The following NME9 variants were observed in gnomAD, a reference collection of about 807,000 sequenced individuals.
The protein encoded by NME9 is thioredoxin domain-containing protein 6.
In NME9, 48 loss-of-function variants were observed where a neutral mutation model predicts 44.4. The ratio of observed to expected loss-of-function variants is 1.08; its 90% CI spans 0.86 to 1.37. The LOEUF (loss-of-function observed/expected upper bound fraction) is 1.37, where lower values mean the gene tolerates loss of function less well. Ranked by LOEUF, NME9 falls within the 40% of genes most tolerant of loss-of-function variation. The pLI, the probability that NME9 is intolerant of heterozygous loss-of-function variation, is 0.00. For synonymous variants in NME9, 139 were observed against 147.1 expected, an observed-to-expected ratio of 0.94 and a Z score of 0.40; for missense variants, 325 against 405.2, an observed-to-expected ratio of 0.80 and a Z score of 1.70.
chr3:138,310,161 T>A (rs143540613), intron 6 of NME9, among the ~76,000 whole-genome samples: 6 of 151,450 alleles, frequency 4.0e-5, no homozygotes, highest in African/African-American at 1.5e-4. Flanking sequence ...CAAGAGAAAA[T>A]ATACTTAGAG....
chr3:138,262,949 A>G (rs1370569235), intron 8 of NME9, among the ~76,000 whole-genome samples: 2 of 152,230 alleles, frequency 1.3e-5, no homozygotes, highest in Non-Finnish European at 2.9e-5. Context: ...AATAATGCCT[A>G]CAGAAGAGTG....
intron 8 of NME9, among the ~76,000 whole-genome samples, chr3:138,275,354 G>A (rs936751588): frequency 6.6e-5 from 10 of 152,030 alleles, no homozygotes; most frequent in African/African-American, 2.4e-4. Flanking sequence ...TCAGGAGATC[G>A]AGACCATCCT....
intron 1 of NME9, among the ~76,000 whole-genome samples, chr3:138,326,863 C>T (rs554814538): frequency 6.6e-6 from 1 of 150,996 alleles, no homozygotes; most frequent in East Asian, 2.0e-4. Context: ...CTTTTTTGGC[C>T]GAACGTGGTT....
chr3:138,281,859 T>C (rs2049964621), intron 8 of NME9, among the ~76,000 whole-genome samples: 1 of 152,210 alleles, frequency 6.6e-6, no homozygotes. Flanking sequence ...TAAAAGTGTT[T>C]ACCATTTCTC....
chr3:138,288,431 CTG>C (rs549328164), intron 8 of NME9, among the ~76,000 whole-genome samples: 135 of 152,318 alleles, frequency 8.9e-4, no homozygotes, highest in African/African-American at 2.9e-3. Flanking sequence ...AAATTGCAAA[CTG>C]TACCCATAGC....
Position 138,281,170 on chromosome 3 carries a change from G to C in NME9, c.746-18584C>G, listed in dbSNP as rs191422131. ...CTCTGCTCTATTTCCTTGATTTCCA[G>C]TTGTTCATATTAGTATATACACTAA... On this transcript the variant is annotated intron_variant, in intron 8 of 8. Transcript: ENST00000317876. Among the ~76,000 whole-genome samples the C allele has an allele frequency of 2.9e-3, 444 of 152,122 alleles. 1 individual carries two copies. The highest frequency in any genetic ancestry group is 0.01 in the Middle Eastern group (3 of 294).
chr3:138,291,053 A>C (rs763932234), intron 8 of NME9, among the ~76,000 whole-genome samples: 6 of 152,232 alleles, frequency 3.9e-5, no homozygotes, highest in Non-Finnish European at 8.8e-5. Flanking sequence ...GCTACCACTA[A>C]GGAATCACTG....
intron 8 of NME9, among the ~76,000 whole-genome samples, chr3:138,265,263 C>A (rs565700972): frequency 9.8e-4 from 149 of 152,000 alleles, no homozygotes; most frequent in African/African-American, 3.4e-3. Context: ...TTTGTCCCCC[C>A]CAAAAAAGGT....
At position 138,304,910 on chromosome 3, in the gene NME9, G is replaced by A. The variant is rs80092642; in HGVS notation, c.754C>T (p.Arg252Cys). 50 of 1,613,994 alleles carry A rather than the reference G, an allele frequency of 3.1e-5. No homozygotes were observed. In the South Asian group the frequency reaches 4.1e-4, roughly 13 times the overall value. The change falls in exon 9 of 11, where the codon CGT becomes TGT. Residue 252 changes from arginine (R) to cysteine (C), a missense_variant. Transcript: ENST00000333911. ...TCCCTCCTGGCCACATTGGGGTCAC[G>A]GGGGCCCATGACGGTTCGCCAGGTA... The part of the protein sequence containing the change: ...VTTWRTVMGP[R>C]DPNVARREQP...
intron 8 of NME9, chr3:138,263,608 G>C (rs1456263633): frequency 1.2e-6 from 1 of 809,810 alleles, no homozygotes; most frequent in Non-Finnish European, 2.1e-6. Flanking sequence ...CAAGATGATT[G>C]TTTGAGAGGT....
At chr3:138,269,128 G>A (rs2108289965) in intron 8 of NME9, among the ~76,000 whole-genome samples, 1 of 152,240 alleles carries the variant, frequency 6.6e-6, no homozygotes, top group African/African-American at 2.4e-5. Context: ...GGCGGATCTG[G>A]GAAAAGAATA....
rs2052269712 is a variant in NME9, at chr3:138,306,473, T to C, written c.468A>G (p.Ser156=). Residue 156 remains serine, a synonymous_variant, in exon 7 of 11, where the codon TCA becomes TCG. Transcript: ENST00000333911. ...TGATGGCCAAGGTACAGGTCCTCTC[T>C]GATGAAACTAAGCCAAAAAATGGTG... The part of the protein sequence containing the change: ...NNGEDEDMVS[S]ERTCTLAIIK... 6.2e-7 allele frequency: 1 copy of C among 1,604,406 alleles called. No individual in the cohort carries two copies. Among genetic ancestry groups the C allele is most frequent in the Non-Finnish European group, 8.5e-7 (1 of 1,175,890 alleles).
At chr3:138,305,109 G>C (rs1006771016) in intron 8 of NME9, 82 bp from the exon 9 acceptor site, 22 of 1,293,592 alleles carry the variant, frequency 1.7e-5, no homozygotes, top group Non-Finnish European at 2.3e-5. Flanking sequence ...CTCACCCACG[G>C]AATGGGAGGG....
Position 138,319,490 on chromosome 3 carries a change from C to G in NME9, c.183G>C (p.Leu61=), listed in dbSNP as rs1309418891. 6.3e-7 allele frequency: 1 copy of G among 1,599,286 alleles called. No individual in the cohort carries two copies. Among genetic ancestry groups the G allele is most frequent in the Non-Finnish European group, 8.6e-7 (1 of 1,166,534 alleles). Residue 61 remains leucine (L), a synonymous_variant, in exon 3 of 11, where the codon CTG becomes CTC. Transcript: ENST00000333911. ...KMRIEVGLDL[L]HFALAEADRL... is the part of the protein sequence containing the mutation. ...GAGAGAATCTTACTAATGCAAAGTG[C>G]AGAAGGTCCAGGCCGACCTCGATCC... is the stretch of plus-strand genomic sequence containing the variant.
In NME9 at chr3:138,262,658, C is replaced by T; in HGVS notation, c.746-72G>A. 3.5e-6 allele frequency: 5 copies of T among 1,437,214 alleles called. No homozygotes were observed. In the South Asian group the frequency reaches 4.3e-5, roughly 12 times the overall value. The allele number at this position is 1,437,214 out of a possible 1,614,324, so 89.0% of individuals were successfully genotyped here. On this transcript the variant is annotated intron_variant, in intron 8 of 8. Coordinates refer to the NME9 transcript ENST00000317876. ...CCCTGGAGAATCTAATTTAATTGGT[C>T]TGCTGTATGGCCTGGACATAGGATT...
Position 138,329,239 on chromosome 3 carries a change from C to A in NME9, c.33+64G>T, listed in dbSNP as rs1411748654. 3.6e-6 allele frequency: 5 copies of A among 1,403,788 alleles called. No homozygotes were observed. The African/African-American group carries it at 5.7e-5, about 16-fold the overall frequency. 87.0% of individuals were successfully genotyped at this position (1,403,788 alleles called of 1,614,324 possible). Reference sequence around the variant, plus strand: ...GTCACTTTTATACTGCAACCCCGCTCTAATCACCCTCCTCTTCCCCGAGCC... The same window carrying A: ...GTCACTTTTATACTGCAACCCCGCTATAATCACCCTCCTCTTCCCCGAGCC... On this transcript the variant is annotated intron_variant, in intron 1 of 10. Coordinates refer to ENST00000333911, the MANE Select transcript of NME9 (RefSeq NM_001349018.2).
intron 10 of NME9, among the ~76,000 whole-genome samples, chr3:138,302,752 GAC>G (rs1385150201): frequency 6.6e-6 from 1 of 152,184 alleles, no homozygotes; most frequent in African/African-American, 2.4e-5. Context: ...CAAACATTTA[GAC>G]ACACATTTCA....
intron 8 of NME9, chr3:138,267,316 G>A (rs2048369024): frequency 3.4e-6 from 3 of 884,424 alleles, no homozygotes; most frequent in Non-Finnish European, 5.0e-6. Context: ...TATAGTAGTT[G>A]ACATTGAAAT....
At chr3:138,284,366 C>G in intron 8 of NME9, 1 of 1,303,924 alleles carries the variant, frequency 7.7e-7, no homozygotes, top group Non-Finnish European at 1.1e-6. Flanking sequence ...TGCCCAAGCT[C>G]TTGAGACAGC....
Sources: allele counts gnomAD v4.1 joint callset (sites outside exome capture counted in the v4.1 genomes callset), GRCh38; gene constraint gnomAD v4.1.1; transcripts MANE v1.5; gene names NCBI Gene and HGNC (gene_info 2026-07-23, HGNC 2026-07-21).